Variants in AMZ1 observed in about 807,000 individuals in gnomAD.
The protein encoded by AMZ1 is archaemetzincin-1.
Under a neutral mutation model 29.9 loss-of-function variants are expected in AMZ1, and 39 were observed. That is an observed-to-expected ratio of 1.30 (90% CI 1.01 to 1.70). AMZ1 has a LOEUF of 1.70. Ranked by LOEUF, AMZ1 falls within the 40% of genes most tolerant of loss-of-function variation. The pLI, the probability that AMZ1 is intolerant of heterozygous loss-of-function variation, is 0.00. For missense variants in AMZ1, 1,041 were observed against 680.6 expected (o/e 1.53, Z -5.89); for synonymous variants, 458 against 304.0 (o/e 1.51, Z -5.27).
In AMZ1 at chr7:2,716,456, G is replaced by C. The variant is rs898690786; in HGVS notation, c.*3578G>C. The C allele has an allele frequency of 3.3e-5, 5 of 152,222 alleles. No homozygotes were observed. Among genetic ancestry groups the C allele is most frequent in the Admixed American group, 6.5e-5 (1 of 15,286 alleles). 9.4% of individuals were successfully genotyped at this position (152,222 alleles called of 1,614,324 possible). ...GGTGAGGAGGGAGGGATGCCGACCT[G>C]TTAATATTTGCTTCAGACCTTTCCC... On this transcript the variant is annotated 3_prime_UTR_variant, in exon 7 of 7. Transcript: ENST00000683327.
intron 1 of AMZ1, among the ~76,000 whole-genome samples, chr7:2,695,136 A>G (rs1787632867): frequency 6.6e-6 from 1 of 152,252 alleles, no homozygotes; most frequent in Admixed American, 6.5e-5. Context: ...CCCCGCTGCA[A>G]GACTTGCCCA....
At chr7:2,725,796 A>G (rs1789592910) in intron 4 of AMZ1, among the ~76,000 whole-genome samples, 1 of 152,248 alleles carries the variant, frequency 6.6e-6, no homozygotes, top group Non-Finnish European at 1.5e-5. Context: ...TTCCAGGTCC[A>G]ACACAACGCC....
intron 4 of AMZ1, among the ~76,000 whole-genome samples, chr7:2,750,375 G>A (rs1444734463): frequency 6.6e-6 from 1 of 152,206 alleles, no homozygotes; most frequent in African/African-American, 2.4e-5. Context: ...GGTTATGCCT[G>A]GCTTTTAAGA....
chr7:2,724,612 C>A (rs936351307), downstream of AMZ1, among the ~76,000 whole-genome samples: 11 of 152,132 alleles, frequency 7.2e-5, no homozygotes, highest in Non-Finnish European at 2.9e-5. Flanking sequence ...TGGGACCCCA[C>A]GGTAACTGCA....
intron 1 of AMZ1, among the ~76,000 whole-genome samples, chr7:2,698,051 A>C (rs1787843522): frequency 6.6e-6 from 1 of 152,284 alleles, no homozygotes; most frequent in African/African-American, 2.4e-5. Context: ...ATTCACATAT[A>C]CATAGGAATA....
At chr7:2,734,910 G>A (rs1583208038) in intron 4 of AMZ1, among the ~76,000 whole-genome samples, 1 of 152,106 alleles carries the variant, frequency 6.6e-6, no homozygotes, top group South Asian at 2.1e-4. Flanking sequence ...CAGGGTGAAC[G>A]TACCCCAAGG....
rs773037986 is a variant in AMZ1 at position 2,731,463 on chromosome 7, G to A, written n.550+21647G>A. 8.1e-6 allele frequency: 13 copies of A among 1,613,792 alleles called. No individual in the cohort carries two copies. In the Admixed American group the frequency reaches 8.3e-5, roughly 10 times the overall value. ...TGTTGAGGAAGAGAATGATGGAGAC[G>A]TTGAAGAAGAGCTTGTTGTTGACGA... is the stretch of plus-strand genomic sequence containing the variant. On this transcript the variant is annotated intron_variant and non_coding_transcript_variant, in intron 4 of 4. Coordinates refer to the AMZ1 transcript ENST00000489665. This position sits in a 1 kb window ranked among gnomAD's most constrained non-coding sequence, Gnocchi z 6.0.
chr7:2,741,620 C>G (rs1167609801), intron 4 of AMZ1, among the ~76,000 whole-genome samples: 1 of 152,136 alleles, frequency 6.6e-6, no homozygotes, highest in African/African-American at 2.4e-5. Flanking sequence ...ACAAAGAGCT[C>G]ATACAGTCTT....
Position 2,709,238 on chromosome 7 carries a change from C to T in AMZ1, c.765C>T (p.Cys255=), listed in dbSNP as rs760247065. 2.5e-5 allele frequency: 37 copies of T among 1,497,774 alleles called. No homozygotes were observed. Among genetic ancestry groups the T allele is most frequent in the Admixed American group, 2.2e-4 (9 of 41,118 alleles). The allele number at this position is 1,497,774 out of a possible 1,614,324, so 92.8% of individuals were successfully genotyped here. A position where few individuals can be genotyped will look rare whatever the true frequency, so the allele number is the denominator to read the frequency against. ...LCFSALGMVQ[C]CKVTCHELCH... is the part of the protein sequence containing the mutation. ...TCAGTGCCCTGGGGATGGTTCAGTGCTGCAAGGTGGGTGGGGGCTCTGGGG... is the reference window on the plus strand; with the variant it reads ...TCAGTGCCCTGGGGATGGTTCAGTGTTGCAAGGTGGGTGGGGGCTCTGGGG... Residue 255 remains cysteine, a synonymous_variant, in exon 5 of 7, where the codon TGC becomes TGT. Coordinates refer to ENST00000683327, the MANE Select transcript of AMZ1 (RefSeq NM_001384743.1).
intron 4 of AMZ1, among the ~76,000 whole-genome samples, chr7:2,755,281 A>G (rs778012287): frequency 2.0e-5 from 3 of 152,158 alleles, no homozygotes; most frequent in Non-Finnish European, 2.9e-5. Context: ...AATCACATCC[A>G]TGTCTACAAA....
chr7:2,685,133 T>C (rs1787029239), upstream of AMZ1, among the ~76,000 whole-genome samples: 1 of 151,724 alleles, frequency 6.6e-6, no homozygotes, highest in Non-Finnish European at 1.5e-5. Flanking sequence ...CCTCCCAAAG[T>C]GCTGGGATTA....
chr7:2,708,622 A>C lies in AMZ1; in HGVS notation c.507A>C (p.Pro169=). 1 of 1,613,058 alleles carries C rather than the reference A, an allele frequency of 6.2e-7. No individual in the cohort carries two copies. The highest frequency in any genetic ancestry group is 8.5e-7 in the Non-Finnish European group (1 of 1,179,960). The change falls in exon 4 of 7, where the codon CCA becomes CCC. Residue 169 remains proline (P), a synonymous_variant. Coordinates refer to ENST00000683327, the MANE Select transcript of AMZ1 (RefSeq NM_001384743.1). The part of the protein sequence containing the change: ...GILSFLKNNK[P]GDALCVLGLT... ...TGTCCTTCTTGAAGAACAACAAGCCAGGGGACGCGCTGTGTGTGCTGGGCC... is the reference window on the plus strand; with the variant it reads ...TGTCCTTCTTGAAGAACAACAAGCCCGGGGACGCGCTGTGTGTGCTGGGCC...
chr7:2,692,274 C>T lies in AMZ1; in HGVS notation c.-219+3978C>T, dbSNP rs183608626. Among the ~76,000 whole-genome samples, 656 of 152,272 alleles carry T rather than the reference C, an allele frequency of 4.3e-3. 5 individuals are homozygous for T. Among genetic ancestry groups the T allele is most frequent in the African/African-American group, 0.015 (628 of 41,546 alleles). Reference sequence around the variant, plus strand: ...GACCGAGCTTGGCCGGGCGTGGTGGCTCACGCCTGTAATCCCAACACTCTG... The same window carrying T: ...GACCGAGCTTGGCCGGGCGTGGTGGTTCACGCCTGTAATCCCAACACTCTG... On this transcript the variant is annotated intron_variant, in intron 1 of 6. Transcript: ENST00000683327.
intron 1 of AMZ1, among the ~76,000 whole-genome samples, chr7:2,682,291 G>C (rs980070914): frequency 3.6e-5 from 5 of 139,386 alleles, no homozygotes; most frequent in African/African-American, 1.0e-4. Context: ...AGGACAGGGT[G>C]GGGGGTGGGA....
Position 2,717,711 on chromosome 7 carries a change from G to A in AMZ1, c.*4833G>A, listed in dbSNP as rs939194978. On this transcript the variant is annotated 3_prime_UTR_variant, in exon 7 of 7. Transcript: ENST00000683327. ...TGTTAAAAACAGATGCAGATCGCGG[G>A]TGGAGACGGCCGGCCGAGCCTTCCC... Among the ~76,000 whole-genome samples, 1 of 152,198 alleles carries A rather than the reference G, an allele frequency of 6.6e-6. No homozygotes were observed. Among genetic ancestry groups the A allele is most frequent in the Admixed American group, 6.5e-5 (1 of 15,282 alleles).
chr7:2,700,986 C>T (rs530692397), intron 2 of AMZ1, among the ~76,000 whole-genome samples: 1 of 152,326 alleles, frequency 6.6e-6, no homozygotes, highest in South Asian at 2.1e-4. Context: ...GACTGGTCCA[C>T]ATGCAGGTGT....
At position 2,700,198 on chromosome 7, in the gene AMZ1, C is replaced by T. The variant is rs565264078; in HGVS notation, c.-218-36C>T. Reference sequence around the variant, plus strand: ...CCTGGGACATCGGGCCCTGTGTGCTCGGCAGTGAGGGGACCCCTGTTCGTG... The same window carrying T: ...CCTGGGACATCGGGCCCTGTGTGCTTGGCAGTGAGGGGACCCCTGTTCGTG... On this transcript the variant is annotated intron_variant, in intron 1 of 6. Transcript: ENST00000683327. The T allele has an allele frequency of 2.3e-4, 126 of 543,290 alleles. 1 individual carries two copies. The highest frequency in any genetic ancestry group is 1.9e-3 in the African/African-American group (102 of 53,112). 33.7% of individuals were successfully genotyped at this position (543,290 alleles called of 1,614,324 possible).
At chr7:2,689,169 C>G (rs1057145215) in intron 1 of AMZ1, among the ~76,000 whole-genome samples, 2 of 152,236 alleles carry the variant, frequency 1.3e-5, no homozygotes, top group African/African-American at 4.8e-5. Context: ...TAGCTCGATG[C>G]AGCTGCTGGG....
At chr7:2,687,275 C>A (rs531246018), upstream of AMZ1, among the ~76,000 whole-genome samples, 1 of 152,034 alleles carries the variant, frequency 6.6e-6, no homozygotes, top group Admixed American at 6.5e-5. Context: ...TGCAGTGAGC[C>A]CAGATTGCAC....
Sources: gnomAD v4.1 joint callset for allele counts (sites outside exome capture counted in the v4.1 genomes callset) on GRCh38, gnomAD v4.1.1 for gene constraint, Gnocchi (gnomAD v3.1) non-coding constraint, MANE v1.5 for transcripts, NCBI Gene and HGNC (gene_info 2026-07-23, HGNC 2026-07-21) for gene names.